FAM210B: variants seen among roughly 807,000 people sequenced by gnomAD.
The protein encoded by FAM210B is family with sequence similarity 210 member B.
In FAM210B, 11 loss-of-function variants were observed where a neutral mutation model predicts 14.9. That is an observed-to-expected ratio of 0.74 (90% CI 0.46 to 1.22). The LOEUF is 1.22. Ranked by LOEUF, FAM210B falls within the 50% of genes most tolerant of loss-of-function variation. FAM210B has a pLI of 0.00. For missense variants in FAM210B, 229 were observed against 250.1 expected (o/e 0.92, Z 0.57); for synonymous variants, 113 against 110.2 (o/e 1.03, Z -0.16).
rs755956222 is a variant in FAM210B, at chr20:56,368,006, C to T, written c.*1719C>T. On this transcript the variant is annotated 3_prime_UTR_variant, in exon 3 of 3. Coordinates refer to ENST00000371384, the MANE Select transcript of FAM210B (RefSeq NM_080821.3). Reference sequence around the variant, plus strand: ...CAGGTTGTTGACAGTTCCTGGTTGACCCACAGCTACCCATGTCAGTTATCT... The same window carrying T: ...CAGGTTGTTGACAGTTCCTGGTTGATCCACAGCTACCCATGTCAGTTATCT... The T allele has an allele frequency of 6.6e-6, 1 of 152,440 alleles. No homozygotes were observed. Among genetic ancestry groups the T allele is most frequent in the Non-Finnish European group, 1.5e-5 (1 of 68,050 alleles). The allele number at this position is 152,440 out of a possible 1,614,324, so 9.4% of individuals were successfully genotyped here.
chr20:56,359,036 G>T lies in FAM210B; in HGVS notation c.31G>T (p.Ala11Ser). 7.4e-7 allele frequency: 1 copy of T among 1,348,696 alleles called. No individual in the cohort carries two copies. 83.5% of individuals were successfully genotyped at this position (1,348,696 alleles called of 1,614,324 possible). Residue 11 changes from alanine to serine, a missense_variant, in exon 1 of 3, where the codon GCA (alanine) becomes TCA (serine). By Grantham distance (99) the Ala-to-Ser change is moderately conservative (BLOSUM62 1). Transcript: ENST00000371384. This position sits in a 1 kb window ranked among gnomAD's most constrained non-coding sequence, Gnocchi z 4.3. ...CGGGTTGCTGGCGTTGCTGGGTCCG[G>T]CAGGCAGGGTGGGCGCCCGGGTCCG... MAGLLALLGPAGRVGARVRPR... is the reference protein window; with the variant it reads MAGLLALLGPSGRVGARVRPR...
chr20:56,366,194 A>G lies in FAM210B; in HGVS notation c.486A>G (p.Pro162=). Reference sequence around the variant, plus strand: ...ATGCAATCCACAAGCTGTTTGCGCCAGTGAGAATCAGCATTACGCTAGTCT... The same window carrying G: ...ATGCAATCCACAAGCTGTTTGCGCCGGTGAGAATCAGCATTACGCTAGTCT... The part of the protein sequence containing the change: ...VAYAIHKLFA[P]VRISITLVSV... The change falls in exon 3 of 3, where the codon CCA becomes CCG. Residue 162 remains proline, a synonymous_variant. Coordinates refer to ENST00000371384, the MANE Select transcript of FAM210B (RefSeq NM_080821.3). The G allele has an allele frequency of 6.2e-7, 1 of 1,614,222 alleles. No homozygotes were observed. The highest frequency in any genetic ancestry group is 8.5e-7 in the Non-Finnish European group (1 of 1,180,044).
chr20:56,359,185 C>T lies in FAM210B; in HGVS notation c.180C>T (p.Gly60=). 1 of 1,236,552 alleles carries T rather than the reference C, an allele frequency of 8.1e-7. No homozygotes were observed. Among genetic ancestry groups the T allele is most frequent in the Non-Finnish European group, 1.0e-6 (1 of 993,310 alleles). The allele number at this position is 1,236,552 out of a possible 1,614,324, so 76.6% of individuals were successfully genotyped here. ...LLRTARGDCR[G]HQDPSQATGT... ...GCACGGCGCGCGGGGACTGCCGCGG[C>T]CACCAGGTAAGCACCCCACCCCGAC... is the stretch of plus-strand genomic sequence containing the variant. Residue 60 remains glycine (G), a synonymous_variant, in exon 1 of 3, where the codon GGC becomes GGT. Transcript: ENST00000371384. This position sits in a 1 kb window ranked among gnomAD's most constrained non-coding sequence, Gnocchi z 4.3.
In FAM210B at chr20:56,362,115, C is replaced by T. The variant is rs760891868; in HGVS notation, c.186+2924C>T. On this transcript the variant is annotated intron_variant, in intron 1 of 2. Coordinates refer to ENST00000371384, the MANE Select transcript of FAM210B (RefSeq NM_080821.3). This position sits in a 1 kb window ranked among gnomAD's most constrained non-coding sequence, Gnocchi z 4.8. ...AGTCACCGTGCCCAGCCAATATTTT[C>T]AAAGTACTCAGAACAGTGCCTAGTA... Among the ~76,000 whole-genome samples, 1 of 152,160 alleles carries T rather than the reference C, an allele frequency of 6.6e-6. No homozygotes were observed. Among genetic ancestry groups the T allele is most frequent in the Non-Finnish European group, 1.5e-5 (1 of 68,030 alleles).
chr20:56,359,057 G>A lies in FAM210B; in HGVS notation c.52G>A (p.Val18Ile), dbSNP rs2079037424. The A allele has an allele frequency of 1.5e-6, 2 of 1,356,538 alleles. No individual in the cohort carries two copies. The highest frequency in any genetic ancestry group is 9.5e-7 in the Non-Finnish European group (1 of 1,048,986). The allele number at this position is 1,356,538 out of a possible 1,614,324, so 84.0% of individuals were successfully genotyped here. A position where few individuals can be genotyped will look rare whatever the true frequency, so the allele number is the denominator to read the frequency against. ...LGPAGRVGAR[V>I]RPRATWLLGA... ...TCCGGCAGGCAGGGTGGGCGCCCGGGTCCGGCCTCGCGCCACCTGGCTCCT... is the reference window on the plus strand; with the variant it reads ...TCCGGCAGGCAGGGTGGGCGCCCGGATCCGGCCTCGCGCCACCTGGCTCCT... The change falls in exon 1 of 3, where the codon GTC becomes ATC. Residue 18 changes from valine to isoleucine, a missense_variant. Physicochemically the swap from Val to Ile is conservative, Grantham distance 29 (BLOSUM62 3). Around this residue, in one of 3 missense-constraint regions of FAM210B, gnomAD observed 144 missense variants for 132.5 expected, o/e 1.09. Transcript: ENST00000371384. The surrounding 1 kb of genome is among the most constrained non-coding windows in gnomAD (Gnocchi z 4.3).
intron 2 of FAM210B, 29 bp downstream of exon 2, chr20:56,365,291 G>GT: frequency 6.3e-7 from 1 of 1,594,968 alleles, no homozygotes; most frequent in Non-Finnish European, 8.6e-7. Flanking sequence ...ATTAATATTT[G>GT]TTTTTTACTG....
At position 56,368,127 on chromosome 20, in the gene FAM210B, A is replaced by G. The variant is rs1983685322; in HGVS notation, c.*1840A>G. On this transcript the variant is annotated 3_prime_UTR_variant, in exon 3 of 3. Coordinates refer to ENST00000371384, the MANE Select transcript of FAM210B (RefSeq NM_080821.3). ...TTTTAAGGCAATTAGCCCATTGCCAAAAGGTTTTACTGTCTTAAAGCTGTC... is the reference window on the plus strand; with the variant it reads ...TTTTAAGGCAATTAGCCCATTGCCAGAAGGTTTTACTGTCTTAAAGCTGTC... The G allele has an allele frequency of 6.6e-6, 1 of 152,662 alleles. No individual in the cohort carries two copies. The highest frequency in any genetic ancestry group is 1.5e-5 in the Non-Finnish European group (1 of 68,032). 9.5% of individuals were successfully genotyped at this position (152,662 alleles called of 1,614,324 possible).
chr20:56,359,075 T>C lies in FAM210B; in HGVS notation c.70T>C (p.Trp24Arg). ...VGARVRPRAT[W>R]LLGATAPCAP... ...CGCCCGGGTCCGGCCTCGCGCCACC[T>C]GGCTCCTGGGCGCCACCGCCCCCTG... The change falls in exon 1 of 3, where the codon TGG becomes CGG. Residue 24 changes from tryptophan to arginine, a missense_variant. Physicochemically the swap from Trp to Arg is moderately radical, Grantham distance 101. Around this residue, in one of 3 missense-constraint regions of FAM210B, gnomAD observed 144 missense variants for 132.5 expected, o/e 1.09. Coordinates refer to ENST00000371384, the MANE Select transcript of FAM210B (RefSeq NM_080821.3). This position sits in a 1 kb window ranked among gnomAD's most constrained non-coding sequence, Gnocchi z 4.3. 1 of 1,356,910 alleles carries C rather than the reference T, an allele frequency of 7.4e-7. No homozygotes were observed. 84.1% of individuals were successfully genotyped at this position (1,356,910 alleles called of 1,614,324 possible). A position where few individuals can be genotyped will look rare whatever the true frequency, so the allele number is the denominator to read the frequency against.
At chr20:56,365,370 C>A in intron 2 of FAM210B, 108 bp downstream of exon 2, 1 of 1,234,528 alleles carries the variant, frequency 8.1e-7, no homozygotes, top group Non-Finnish European at 1.1e-6. Flanking sequence ...GGTCTCACTC[C>A]ACTGCCCAGG....
In FAM210B at chr20:56,363,323, G is replaced by T. The variant is rs1307077913; in HGVS notation, c.187-1764G>T. 6.6e-6 allele frequency among the ~76,000 whole-genome samples: 1 copy of T among 152,174 alleles called. No individual in the cohort carries two copies. The highest frequency in any genetic ancestry group is 2.4e-5 in the African/African-American group (1 of 41,432). ...CTCAGTCATCCATCTGTCAAAACAGGAGCGACAAAGGTTCCTGGGTCATGA... is the reference window on the plus strand; with the variant it reads ...CTCAGTCATCCATCTGTCAAAACAGTAGCGACAAAGGTTCCTGGGTCATGA... On this transcript the variant is annotated intron_variant, in intron 1 of 2. Coordinates refer to ENST00000371384, the MANE Select transcript of FAM210B (RefSeq NM_080821.3). This position sits in a 1 kb window ranked among gnomAD's most constrained non-coding sequence, Gnocchi z 4.1.
At position 56,362,137 on chromosome 20, in the gene FAM210B, A is replaced by G. The variant is rs1808502477; in HGVS notation, c.186+2946A>G. Among the ~76,000 whole-genome samples, 1 of 152,186 alleles carries G rather than the reference A, an allele frequency of 6.6e-6. No homozygotes were observed. Among genetic ancestry groups the G allele is most frequent in the African/African-American group, 2.4e-5 (1 of 41,440 alleles). On this transcript the variant is annotated intron_variant, in intron 1 of 2. Transcript: ENST00000371384. This position sits in a 1 kb window ranked among gnomAD's most constrained non-coding sequence, Gnocchi z 4.8. The stretch of plus-strand genomic sequence containing the variant: ...TTTCAAAGTACTCAGAACAGTGCCT[A>G]GTACAGAATATACACAATATAGTGT...
chr20:56,364,503 T>A (rs1317406280), intron 1 of FAM210B, among the ~76,000 whole-genome samples: 1 of 152,296 alleles, frequency 6.6e-6, no homozygotes, highest in Non-Finnish European at 1.5e-5. Flanking sequence ...CATCTCCCTA[T>A]CTCAAGACCC....
At position 56,362,189 on chromosome 20, in the gene FAM210B, G is replaced by A. The variant is rs1018786426; in HGVS notation, c.187-2898G>A. On this transcript the variant is annotated intron_variant, in intron 1 of 2. Coordinates refer to ENST00000371384, the MANE Select transcript of FAM210B (RefSeq NM_080821.3). The surrounding 1 kb of genome is among the most constrained non-coding windows in gnomAD (Gnocchi z 4.8). ...TATTATTAATATGATTTCTCAAGTG[G>A]AAGAAAACAGGTGTCACTCCAAACA... Among the ~76,000 whole-genome samples, 2 of 152,102 alleles carry A rather than the reference G, an allele frequency of 1.3e-5. No individual in the cohort carries two copies. The highest frequency in any genetic ancestry group is 4.8e-5 in the African/African-American group (2 of 41,414).
rs771378726 is a variant in FAM210B, at chr20:56,368,391, A to G, written c.*2104A>G. 6.6e-6 allele frequency: 1 copy of G among 152,560 alleles called. No individual in the cohort carries two copies. Among genetic ancestry groups the G allele is most frequent in the Non-Finnish European group, 1.5e-5 (1 of 68,048 alleles). 9.5% of individuals were successfully genotyped at this position (152,560 alleles called of 1,614,324 possible). A position where few individuals can be genotyped will look rare whatever the true frequency, so the allele number is the denominator to read the frequency against. On this transcript the variant is annotated 3_prime_UTR_variant, in exon 3 of 3. Coordinates refer to ENST00000371384, the MANE Select transcript of FAM210B (RefSeq NM_080821.3). ...GAAACCTACAGGTTTAAGGGCTTAA[A>G]TCTCAAACTTTGTTAGGAGTAACAG...
rs1391357015 is a variant in FAM210B at position 56,359,449 on chromosome 20, C to T, written c.186+258C>T. Among the ~76,000 whole-genome samples, 2 of 152,230 alleles carry T rather than the reference C, an allele frequency of 1.3e-5. No individual in the cohort carries two copies. The highest frequency in any genetic ancestry group is 2.9e-5 in the Non-Finnish European group (2 of 68,036). On this transcript the variant is annotated intron_variant, in intron 1 of 2. Coordinates refer to ENST00000371384, the MANE Select transcript of FAM210B (RefSeq NM_080821.3). The surrounding 1 kb of genome is among the most constrained non-coding windows in gnomAD (Gnocchi z 4.3). ...GGTCGCGCAGTCTTCGGCCGAGCCC[C>T]GGGTCTGCAGAGCCTCAGCCAGGCT...
rs6024829 is a variant in FAM210B at position 56,362,417 on chromosome 20, G to A, written c.187-2670G>A. On this transcript the variant is annotated intron_variant, in intron 1 of 2. Coordinates refer to ENST00000371384, the MANE Select transcript of FAM210B (RefSeq NM_080821.3). This position sits in a 1 kb window ranked among gnomAD's most constrained non-coding sequence, Gnocchi z 4.8. ...TGTGTCACGCCGTCCTGTGCATTCA[G>A]GACAGTGCCTAACACATCCCGGGTA... is the stretch of plus-strand genomic sequence containing the variant. Among the ~76,000 whole-genome samples, 2,880 of 152,258 alleles carry A rather than the reference G, an allele frequency of 0.019. 94 individuals carry two copies. Among genetic ancestry groups the A allele is most frequent in the African/African-American group, 0.067 (2,774 of 41,524 alleles).
intron 2 of FAM210B, 134 bp from the exon 3 acceptor site, chr20:56,365,937 C>T: frequency 3.2e-6 from 2 of 620,512 alleles, no homozygotes; most frequent in Admixed American, 3.2e-5. Flanking sequence ...AGCCACTGCA[C>T]CTGGCCACTA....
rs1983627313 is a variant in FAM210B at position 56,366,061 on chromosome 20, T to G, written c.363-10T>G. On this transcript the variant is annotated splice_polypyrimidine_tract_variant and intron_variant, in intron 2 of 2. Transcript: ENST00000371384. Reference sequence around the variant, plus strand: ...TGTAATAATTGTTTTCTTTGCTTCTTCCCCCCTAGTGGTGTGGACATGCCT... The same window carrying G: ...TGTAATAATTGTTTTCTTTGCTTCTGCCCCCCTAGTGGTGTGGACATGCCT... The G allele has an allele frequency of 6.2e-7, 1 of 1,603,892 alleles. No homozygotes were observed. Among genetic ancestry groups the G allele is most frequent in the African/African-American group, 1.3e-5 (1 of 74,336 alleles).
chr20:56,366,070 GT>G lies in FAM210B; in HGVS notation c.363del (p.Ser121ArgfsTer10). On this transcript the variant is annotated frameshift_variant and splice_region_variant, in exon 3 of 3. Transcript: ENST00000371384. LOFTEE classifies it high-confidence loss of function. ...TGTTTTCTTTGCTTCTTCCCCCCTA[GT>G]GGTGTGGACATGCCTGCAATCCTGC... The part of the protein sequence containing the change: ...SLGIFYMVVS[S>X]GVDMPAILLK... 1 of 1,612,894 alleles carries G rather than the reference GT, an allele frequency of 6.2e-7. No individual in the cohort carries two copies. Among genetic ancestry groups the G allele is most frequent in the Non-Finnish European group, 8.5e-7 (1 of 1,179,094 alleles).
Sources: gnomAD v4.1 joint callset for allele counts (sites outside exome capture counted in the v4.1 genomes callset) on GRCh38, gnomAD v4.1.1 for gene constraint, gnomAD v4.1.1 regional missense constraint, Gnocchi (gnomAD v3.1) non-coding constraint, MANE v1.5 for transcripts, NCBI Gene and HGNC (gene_info 2026-07-23, HGNC 2026-07-21) for gene names.